GRID2: variants seen among roughly 807,000 people sequenced by gnomAD.
The protein encoded by GRID2 is glutamate ionotropic receptor delta type subunit 2, also known as glutamate receptor ionotropic, delta-2.
In GRID2, 33 loss-of-function variants were observed where a neutral mutation model predicts 114.8. The ratio of observed to expected loss-of-function variants is 0.29; its 90% CI spans 0.22 to 0.38. The LOEUF is 0.38. Ranked by LOEUF, GRID2 falls within the 10% of genes least tolerant of loss-of-function variation. The pLI, the probability that GRID2 is intolerant of heterozygous loss-of-function variation, is 1.00. For synonymous variants in GRID2, 505 were observed against 449.9 expected, an observed-to-expected ratio of 1.12 and a Z score of -1.55; for missense variants, 1,184 against 1,257.7, an observed-to-expected ratio of 0.94 and a Z score of 0.89.
intron 1 of GRID2, among the ~76,000 whole-genome samples, chr4:92,555,384 G>T (rs1433808566): frequency 6.6e-6 from 1 of 152,138 alleles, no homozygotes; most frequent in Non-Finnish European, 1.5e-5. Context: ...CAAAGCTACA[G>T]ATATTTCAAG....
At chr4:92,912,743 ACT>A (rs772918423) in intron 2 of GRID2, among the ~76,000 whole-genome samples, 2 of 151,786 alleles carry the variant, frequency 1.3e-5, no homozygotes, top group African/African-American at 2.4e-5. Context: ...TCGAAAACAA[ACT>A]CTTTAAGAAT....
At chr4:92,637,412 T>C (rs1044879980) in intron 2 of GRID2, among the ~76,000 whole-genome samples, 11 of 152,074 alleles carry the variant, frequency 7.2e-5, no homozygotes, top group Non-Finnish European at 1.0e-4. Flanking sequence ...TTTGGCATAA[T>C]GAAACACAAT....
At chr4:92,453,776 A>AT (rs935515347) in intron 1 of GRID2, among the ~76,000 whole-genome samples, 7 of 152,084 alleles carry the variant, frequency 4.6e-5, no homozygotes, top group South Asian at 2.1e-4. Flanking sequence ...ATATTGATTG[A>AT]TTTTTTTTAC....
At chr4:93,571,926 G>C (rs983831574) in intron 13 of GRID2, among the ~76,000 whole-genome samples, 2 of 152,036 alleles carry the variant, frequency 1.3e-5, no homozygotes, top group Non-Finnish European at 2.9e-5. Flanking sequence ...ATGGAAAAAA[G>C]GATAGTGGAT....
intron 8 of GRID2, among the ~76,000 whole-genome samples, chr4:93,369,068 C>T (rs902489725): frequency 3.9e-5 from 6 of 152,130 alleles, no homozygotes; most frequent in African/African-American, 1.4e-4. Context: ...CTTAAAACAA[C>T]GGAAATTTAT....
intron 10 of GRID2, among the ~76,000 whole-genome samples, chr4:93,451,425 T>C (rs1722670302): frequency 6.6e-6 from 1 of 152,048 alleles, no homozygotes; most frequent in South Asian, 2.1e-4. Flanking sequence ...ATCCAGACTG[T>C]GGGAACAGCA....
intron 13 of GRID2, among the ~76,000 whole-genome samples, chr4:93,611,219 G>T: frequency 1.0e-5 from 1 of 98,568 alleles, no homozygotes; most frequent in African/African-American, 4.4e-5. Flanking sequence ...TTCTTTATTA[G>T]TCTTGCTAGC....
intron 8 of GRID2, among the ~76,000 whole-genome samples, chr4:93,286,357 G>A (rs143521111): frequency 6.6e-6 from 1 of 152,122 alleles, no homozygotes; most frequent in Admixed American, 6.5e-5. Flanking sequence ...TTGGCTCCCA[G>A]TATTATCAAT....
intron 9 of GRID2, among the ~76,000 whole-genome samples, chr4:93,399,046 T>A: frequency 6.6e-6 from 1 of 152,094 alleles, no homozygotes; most frequent in East Asian, 1.9e-4. Flanking sequence ...CTCCCGAATC[T>A]TGAGGCTTTA....
intron 5 of GRID2, among the ~76,000 whole-genome samples, chr4:93,208,374 C>T (rs1743056799): frequency 6.6e-6 from 1 of 151,820 alleles, no homozygotes; most frequent in Non-Finnish European, 1.5e-5. Flanking sequence ...AGTATAATAA[C>T]AATTACTTTG....
chr4:92,990,916 C>T (rs1295565209), intron 2 of GRID2, among the ~76,000 whole-genome samples: 2 of 152,092 alleles, frequency 1.3e-5, no homozygotes, highest in East Asian at 3.9e-4. Flanking sequence ...TTCTAGCACA[C>T]ATATTGTAGT....
intron 13 of GRID2, among the ~76,000 whole-genome samples, chr4:93,569,772 T>C (rs1272217159): frequency 6.6e-6 from 1 of 152,154 alleles, no homozygotes; most frequent in South Asian, 2.1e-4. Flanking sequence ...TCAAAGACAC[T>C]GTGATTCTGA....
intron 13 of GRID2, among the ~76,000 whole-genome samples, chr4:93,598,645 A>G (rs993912476): frequency 4.6e-5 from 7 of 152,190 alleles, no homozygotes; most frequent in Non-Finnish European, 1.0e-4. Flanking sequence ...TACTATCTAT[A>G]TTTGCATTTT....
At chr4:93,280,247 G>T (rs1192650624) in intron 8 of GRID2, among the ~76,000 whole-genome samples, 1 of 151,882 alleles carries the variant, frequency 6.6e-6, no homozygotes, top group Non-Finnish European at 1.5e-5. Flanking sequence ...GTCCTCAATG[G>T]CCTTTCTTCC....
At chr4:92,922,795 A>C (rs971387088) in intron 2 of GRID2, among the ~76,000 whole-genome samples, 1 of 152,198 alleles carries the variant, frequency 6.6e-6, no homozygotes, top group Non-Finnish European at 1.5e-5. Flanking sequence ...GAAGCCAGAA[A>C]CAAAGCGATG....
chr4:93,496,230 A>G (rs1207253021), intron 12 of GRID2, among the ~76,000 whole-genome samples: 2 of 151,696 alleles, frequency 1.3e-5, no homozygotes, highest in Non-Finnish European at 2.9e-5. Context: ...AGTTCTGTTA[A>G]TATTTGGACA....
chr4:93,268,059 C>A (rs777416960), intron 8 of GRID2, among the ~76,000 whole-genome samples: 1 of 152,196 alleles, frequency 6.6e-6, no homozygotes, highest in Non-Finnish European at 1.5e-5. Flanking sequence ...AATTTACTCA[C>A]AATTTTCTGC....
At chr4:93,614,529 C>T (rs1411580838) in intron 13 of GRID2, among the ~76,000 whole-genome samples, 2 of 151,858 alleles carry the variant, frequency 1.3e-5, no homozygotes, top group East Asian at 3.9e-4. Flanking sequence ...AACATAAAAA[C>T]ATGAAATAGT....
intron 14 of GRID2, among the ~76,000 whole-genome samples, chr4:93,667,538 G>A (rs1408404727): frequency 6.6e-6 from 1 of 151,888 alleles, no homozygotes; most frequent in Non-Finnish European, 1.5e-5. Context: ...CAAAAGAGAG[G>A]TCTGCAGATG....
Sources: gnomAD v4.1 joint callset for allele counts (sites outside exome capture counted in the v4.1 genomes callset) on GRCh38, gnomAD v4.1.1 for gene constraint, MANE v1.5 for transcripts, NCBI Gene and HGNC (gene_info 2026-07-23, HGNC 2026-07-21) for gene names.